PSD3: variants seen among roughly 807,000 people sequenced by gnomAD.
PSD3 encodes PH and SEC7 domain-containing protein 3.
PSD3 carries 49 observed loss-of-function variants against 105.5 expected under a neutral mutation model. That is an observed-to-expected ratio of 0.46 (90% CI 0.37 to 0.59). The LOEUF (loss-of-function observed/expected upper bound fraction) is 0.59. Among genes scored for constraint, PSD3 ranks in the 20% least tolerant of loss-of-function variants. PSD3 has a pLI of 0.00. For synonymous variants in PSD3, 557 were observed against 457.8 expected (o/e 1.22, Z -2.77); for missense variants, 1,561 against 1,263.8 (o/e 1.24, Z -3.57).
chr8:18,859,839 T>C (rs1017919231), intron 4 of PSD3, among the ~76,000 whole-genome samples: 6 of 152,224 alleles, frequency 3.9e-5, no homozygotes, highest in Admixed American at 6.5e-5. Flanking sequence ...TGATCTTCTA[T>C]CCAGACCATT....
At chr8:19,011,021 T>C (rs1187462175) in intron 1 of PSD3, among the ~76,000 whole-genome samples, 1 of 151,252 alleles carries the variant, frequency 6.6e-6, no homozygotes, top group Non-Finnish European at 1.5e-5. Flanking sequence ...CAGACTTTGG[T>C]CACCAGATTA....
At chr8:18,997,593 C>A (rs912343433) in intron 1 of PSD3, among the ~76,000 whole-genome samples, 2 of 152,038 alleles carry the variant, frequency 1.3e-5, no homozygotes, top group Non-Finnish European at 2.9e-5. Flanking sequence ...TCTCTGCTCA[C>A]TCTCAGTCCA....
chr8:18,929,399 G>A (rs1001301526), intron 2 of PSD3, among the ~76,000 whole-genome samples: 2 of 152,024 alleles, frequency 1.3e-5, no homozygotes, highest in African/African-American at 4.8e-5. Flanking sequence ...ATCTGGAATG[G>A]GAAGCAGAAC....
intron 1 of PSD3, among the ~76,000 whole-genome samples, chr8:18,958,909 G>A (rs1461066026): frequency 7.3e-6 from 1 of 137,616 alleles, no homozygotes; most frequent in African/African-American, 2.8e-5. Flanking sequence ...ATACAGAGGA[G>A]TTAAGTGGTG....
chr8:18,769,905 CTT>C (rs1807351556), intron 8 of PSD3, among the ~76,000 whole-genome samples: 1 of 152,082 alleles, frequency 6.6e-6, no homozygotes, highest in South Asian at 2.1e-4. Context: ...AGACTATTTT[CTT>C]TTTTTGGCTA....
intron 1 of PSD3, among the ~76,000 whole-genome samples, chr8:19,050,671 C>G (rs776488254): frequency 6.6e-6 from 1 of 152,104 alleles, no homozygotes; most frequent in Non-Finnish European, 1.5e-5. Flanking sequence ...GAACATCACA[C>G]TCTGGGGACT....
At chr8:18,974,822 G>A (rs938730311) in intron 1 of PSD3, among the ~76,000 whole-genome samples, 2 of 152,114 alleles carry the variant, frequency 1.3e-5, no homozygotes, top group African/African-American at 4.8e-5. Flanking sequence ...AGCAGGTCCT[G>A]CAGTCTTGAC....
At chr8:19,004,071 G>C (rs1263109488) in intron 1 of PSD3, among the ~76,000 whole-genome samples, 3 of 152,018 alleles carry the variant, frequency 2.0e-5, no homozygotes, top group Non-Finnish European at 4.4e-5. Flanking sequence ...TGACAGACAA[G>C]TTTGGGAAAC....
intron 4 of PSD3, among the ~76,000 whole-genome samples, chr8:18,848,505 G>C (rs536140691): frequency 6.6e-6 from 1 of 152,288 alleles, no homozygotes; most frequent in Non-Finnish European, 1.5e-5. Flanking sequence ...CCCATGGAGA[G>C]GCAGCCAAGC....
chr8:19,073,127 TA>T (rs372659370), intron 1 of PSD3, among the ~76,000 whole-genome samples: 67 of 125,158 alleles, frequency 5.4e-4, no homozygotes, highest in African/African-American at 1.8e-3. Flanking sequence ...TCTTGCCTCT[TA>T]ACAGAATGAT....
chr8:18,647,247 A>G (rs1808105497), intron 10 of PSD3, among the ~76,000 whole-genome samples: 2 of 152,240 alleles, frequency 1.3e-5, no homozygotes, highest in Admixed American at 6.5e-5. Context: ...GGTATTTAAA[A>G]CCACACTTTC....
At chr8:18,558,230 G>A (rs1801193960) in intron 14 of PSD3, among the ~76,000 whole-genome samples, 1 of 152,136 alleles carries the variant, frequency 6.6e-6, no homozygotes, top group African/African-American at 2.4e-5. Flanking sequence ...TTCTTTCAAA[G>A]TTGTTTTCCT....
chr8:18,802,849 G>A (rs1035892981), intron 6 of PSD3, among the ~76,000 whole-genome samples: 1 of 152,168 alleles, frequency 6.6e-6, no homozygotes, highest in African/African-American at 2.4e-5. Flanking sequence ...TAAAAAGTGA[G>A]AATCAGTGAG....
rs1420583278 is a variant in PSD3 at position 18,533,222 on chromosome 8, C to T, written c.*2521G>A. ...AAACTCTTGGCCTCCTTCATGCACT[C>T]ATGACAGACAGCAACCTTCAGAAGC... On this transcript the variant is annotated 3_prime_UTR_variant, in exon 16 of 16. Coordinates refer to ENST00000327040, the MANE Select transcript of PSD3 (RefSeq NM_015310.4). 1 of 152,218 alleles carries T rather than the reference C, an allele frequency of 6.6e-6. No individual in the cohort carries two copies. Among genetic ancestry groups the T allele is most frequent in the Non-Finnish European group, 1.5e-5 (1 of 68,068 alleles). The allele number at this position is 152,218 out of a possible 1,614,324, so 9.4% of individuals were successfully genotyped here.
At chr8:18,909,471 T>C (rs542170006) in intron 2 of PSD3, among the ~76,000 whole-genome samples, 1 of 152,216 alleles carries the variant, frequency 6.6e-6, no homozygotes, top group South Asian at 2.1e-4. Flanking sequence ...CTTCTTCTTA[T>C]TATTATTATT....
At chr8:19,063,676 A>T (rs1229117914) in intron 1 of PSD3, among the ~76,000 whole-genome samples, 2 of 152,218 alleles carry the variant, frequency 1.3e-5, no homozygotes, top group Non-Finnish European at 2.9e-5. Flanking sequence ...TTCCAAGTTC[A>T]TGTCCTTCTT....
At chr8:19,032,482 C>G (rs1372472487) in intron 1 of PSD3, among the ~76,000 whole-genome samples, 2 of 151,848 alleles carry the variant, frequency 1.3e-5, no homozygotes, top group Non-Finnish European at 2.9e-5. Flanking sequence ...GACCCCATCT[C>G]TACAGAAAAT....
chr8:19,029,069 T>G (rs938603351), intron 1 of PSD3, among the ~76,000 whole-genome samples: 1 of 152,230 alleles, frequency 6.6e-6, no homozygotes, highest in Non-Finnish European at 1.5e-5. Context: ...ACTAGCTTTA[T>G]AGTAATATTG....
intron 9 of PSD3, among the ~76,000 whole-genome samples, chr8:18,705,625 C>T (rs544963064): frequency 2.7e-5 from 4 of 147,304 alleles, no homozygotes; most frequent in Non-Finnish European, 6.0e-5. Flanking sequence ...TGTTGAAATA[C>T]ATATTGATAT....
Sources: gnomAD v4.1 joint callset for allele counts (sites outside exome capture counted in the v4.1 genomes callset) on GRCh38, gnomAD v4.1.1 for gene constraint, MANE v1.5 for transcripts, NCBI Gene and HGNC (gene_info 2026-07-23, HGNC 2026-07-21) for gene names.